Variants in RBFOX1 observed in about 807,000 individuals in gnomAD.
RBFOX1 encodes the protein RNA binding fox-1 homolog 1.
In RBFOX1, 8 loss-of-function variants were observed where a neutral mutation model predicts 57.7. The observed-to-expected ratio is 0.14, with a 90% CI of 0.08 to 0.25. The LOEUF (loss-of-function observed/expected upper bound fraction) is 0.25, where lower values mean the gene tolerates loss of function less well. Ranked by LOEUF, RBFOX1 falls within the 10% of genes least tolerant of loss-of-function variation. The pLI is 1.00. For synonymous variants in RBFOX1, 326 were observed against 222.4 expected, an observed-to-expected ratio of 1.47 and a Z score of -4.15; for missense variants, 611 against 548.5, an observed-to-expected ratio of 1.11 and a Z score of -1.14.
chr16:6,063,345 A>C (rs1413607250), intron 1 of RBFOX1, among the ~76,000 whole-genome samples: 1 of 152,106 alleles, frequency 6.6e-6, no homozygotes, highest in East Asian at 1.9e-4. Flanking sequence ...AGGGAAATCA[A>C]TATGGGTTCA....
At chr16:6,547,754 T>C (rs371698134) in intron 2 of RBFOX1, among the ~76,000 whole-genome samples, 5 of 152,030 alleles carry the variant, frequency 3.3e-5, no homozygotes, top group African/African-American at 1.2e-4. Context: ...AGACCAGGGG[T>C]CCTTCCTGGT....
chr16:7,227,098 A>G (rs2093172771), intron 4 of RBFOX1, among the ~76,000 whole-genome samples: 1 of 152,144 alleles, frequency 6.6e-6, no homozygotes, highest in African/African-American at 2.4e-5. Context: ...TCATTTATAG[A>G]ACCTGTTTGG....
chr16:6,764,037 G>A (rs964097613), intron 3 of RBFOX1, among the ~76,000 whole-genome samples: 1 of 152,148 alleles, frequency 6.6e-6, no homozygotes, highest in Non-Finnish European at 1.5e-5. Flanking sequence ...TGCTGTGAAG[G>A]ATGATAAACT....
intron 3 of RBFOX1, among the ~76,000 whole-genome samples, chr16:6,683,079 T>C (rs189883694): frequency 6.6e-6 from 1 of 152,218 alleles, no homozygotes; most frequent in Admixed American, 6.5e-5. Flanking sequence ...ACATGTAGAA[T>C]ACTGGAGACT....
At chr16:6,607,650 C>G (rs755604051) in intron 2 of RBFOX1, among the ~76,000 whole-genome samples, 12 of 151,908 alleles carry the variant, frequency 7.9e-5, no homozygotes, top group Non-Finnish European at 1.5e-4. Context: ...CTCTCTCTTT[C>G]TGTCTTCTTC....
intron 1 of RBFOX1, among the ~76,000 whole-genome samples, chr16:5,418,086 A>ACAG (rs1295142877): frequency 6.6e-6 from 1 of 151,620 alleles, no homozygotes; most frequent in Non-Finnish European, 1.5e-5. Context: ...CATCTCAACA[A>ACAG]CAACAACAAC....
intron 3 of RBFOX1, among the ~76,000 whole-genome samples, chr16:5,695,297 A>G (rs1226698002): frequency 6.6e-6 from 1 of 152,206 alleles, no homozygotes; most frequent in African/African-American, 2.4e-5. Flanking sequence ...ATCCAACTCA[A>G]TAATCATTAC....
intron 5 of RBFOX1, among the ~76,000 whole-genome samples, chr16:7,565,714 C>T (rs889771952): frequency 6.6e-6 from 1 of 152,212 alleles, no homozygotes. Context: ...AGAAGCTTTT[C>T]TCTCTGAGAA....
intron 1 of RBFOX1, among the ~76,000 whole-genome samples, chr16:5,315,884 G>C (rs1053638032): frequency 6.6e-6 from 1 of 152,076 alleles, no homozygotes. Flanking sequence ...CAGAGTATCA[G>C]ACTCATCATA....
chr16:6,498,580 T>C (rs148425107), intron 2 of RBFOX1, among the ~76,000 whole-genome samples: 4 of 152,274 alleles, frequency 2.6e-5, no homozygotes, highest in African/African-American at 7.2e-5. Flanking sequence ...TGATAGGCTA[T>C]AAACTTCATG....
chr16:6,843,129 T>G (rs1311738832), intron 3 of RBFOX1, among the ~76,000 whole-genome samples: 2 of 152,202 alleles, frequency 1.3e-5, no homozygotes, highest in Non-Finnish European at 2.9e-5. Flanking sequence ...TGTTGTTGTT[T>G]TCAAAACATA....
At chr16:5,644,852 C>T (rs1362050642) in intron 3 of RBFOX1, among the ~76,000 whole-genome samples, 1 of 152,176 alleles carries the variant, frequency 6.6e-6, no homozygotes, top group African/African-American at 2.4e-5. Context: ...CATGAACGTT[C>T]ATGTGCGAGT....
At chr16:6,878,514 T>C (rs142540530) in intron 3 of RBFOX1, among the ~76,000 whole-genome samples, 10 of 152,212 alleles carry the variant, frequency 6.6e-5, no homozygotes, top group Non-Finnish European at 4.4e-5. Context: ...AATAAACTTT[T>C]GTTATTCCTG....
At chr16:7,401,242 TC>T (rs2098237853) in intron 4 of RBFOX1, among the ~76,000 whole-genome samples, 1 of 152,220 alleles carries the variant, frequency 6.6e-6, no homozygotes, top group Non-Finnish European at 1.5e-5. Flanking sequence ...GTGAAAGAAG[TC>T]AAACTACAAA....
chr16:6,540,710 A>G (rs1301020748), intron 2 of RBFOX1, among the ~76,000 whole-genome samples: 2 of 152,090 alleles, frequency 1.3e-5, no homozygotes, highest in Non-Finnish European at 2.9e-5. Flanking sequence ...AAATTCTTAT[A>G]CAATGCTTTA....
intron 4 of RBFOX1, among the ~76,000 whole-genome samples, chr16:5,907,605 G>A (rs928747128): frequency 4.6e-5 from 7 of 152,022 alleles, no homozygotes; most frequent in African/African-American, 1.4e-4. Context: ...ACTCATTTAA[G>A]TCTCGTAACA....
At chr16:5,844,856 C>G (rs577149748) in intron 3 of RBFOX1, among the ~76,000 whole-genome samples, 6 of 152,194 alleles carry the variant, frequency 3.9e-5, no homozygotes, top group African/African-American at 1.4e-4. Flanking sequence ...GTAATTAGGG[C>G]CTTGTAATGA....
chr16:5,436,462 G>C (rs775574623), intron 1 of RBFOX1, among the ~76,000 whole-genome samples: 1 of 152,178 alleles, frequency 6.6e-6, no homozygotes, highest in East Asian at 1.9e-4. Context: ...ACATTACTAA[G>C]AAGTACTTCT....
downstream of RBFOX1, among the ~76,000 whole-genome samples, chr16:5,602,126 G>A (rs2047385549): frequency 1.3e-5 from 2 of 152,202 alleles, no homozygotes; most frequent in Non-Finnish European, 2.9e-5. Flanking sequence ...ACTCTCACAG[G>A]TCAGCTTCCT....
Sources: allele counts gnomAD v4.1 joint callset (sites outside exome capture counted in the v4.1 genomes callset), GRCh38; gene constraint gnomAD v4.1.1; transcripts MANE v1.5; gene names NCBI Gene and HGNC (gene_info 2026-07-23, HGNC 2026-07-21).